The following SLC4A10 variants were observed in gnomAD, a reference collection of about 807,000 sequenced individuals.
SLC4A10 encodes solute carrier family 4 member 10.
A neutral mutation model predicts 137.7 loss-of-function variants in SLC4A10; 42 were observed. That is an observed-to-expected ratio of 0.30 (90% confidence interval 0.24 to 0.39). The LOEUF is 0.39. SLC4A10 is among the 10% of genes least tolerant of loss of function. The pLI, the probability that SLC4A10 is intolerant of heterozygous loss-of-function variation, is 1.00. For missense variants in SLC4A10, 925 were observed against 1,355.0 expected (o/e 0.68, Z 4.98); for synonymous variants, 474 against 464.1 (o/e 1.02, Z -0.27).
At chr2:161,906,365 T>C (rs1173111142) in intron 15 of SLC4A10, among the ~76,000 whole-genome samples, 1 of 152,218 alleles carries the variant, frequency 6.6e-6, no homozygotes, top group African/African-American at 2.4e-5. Context: ...AATCACTGAA[T>C]GAAAATTTAA....
intron 1 of SLC4A10, among the ~76,000 whole-genome samples, chr2:161,764,652 T>C (rs1448490222): frequency 6.6e-6 from 1 of 152,124 alleles, no homozygotes; most frequent in African/African-American, 2.4e-5. Flanking sequence ...TTTAACATAT[T>C]CATAAAGAGA....
At chr2:161,980,266 C>T (rs1559681629) in intron 26 of SLC4A10, among the ~76,000 whole-genome samples, 1 of 152,122 alleles carries the variant, frequency 6.6e-6, no homozygotes. Context: ...CCTGCACTCC[C>T]CCACCACCTT....
intron 3 of SLC4A10, among the ~76,000 whole-genome samples, chr2:161,822,905 G>A (rs913409458): frequency 2.0e-5 from 3 of 152,116 alleles, no homozygotes; most frequent in African/African-American, 7.2e-5. Context: ...AACCCAAGAG[G>A]TGGAGGCTGC....
intron 2 of SLC4A10, among the ~76,000 whole-genome samples, chr2:161,772,446 G>T (rs1414174226): frequency 1.3e-5 from 2 of 151,486 alleles, no homozygotes; most frequent in East Asian, 3.9e-4. Context: ...CCTTTTTATT[G>T]GAAAATACTT....
intron 4 of SLC4A10, among the ~76,000 whole-genome samples, chr2:161,852,947 G>A (rs2059911713): frequency 6.6e-6 from 1 of 152,046 alleles, no homozygotes; most frequent in Non-Finnish European, 1.5e-5. Flanking sequence ...AAATATAAAT[G>A]TCTTTTTATT....
chr2:161,941,806 G>C (rs1692755155), intron 15 of SLC4A10, among the ~76,000 whole-genome samples: 1 of 152,142 alleles, frequency 6.6e-6, no homozygotes, highest in East Asian at 1.9e-4. Flanking sequence ...GTGTTACAGG[G>C]TGTGGCTGAC....
At chr2:161,870,691 C>G (rs1191659995) in intron 6 of SLC4A10, among the ~76,000 whole-genome samples, 1 of 151,788 alleles carries the variant, frequency 6.6e-6, no homozygotes, top group East Asian at 1.9e-4. Context: ...TGAATGGCTG[C>G]TAATGAACAG....
chr2:161,930,299 A>G (rs1162041537), intron 15 of SLC4A10, among the ~76,000 whole-genome samples: 1 of 152,108 alleles, frequency 6.6e-6, no homozygotes, highest in East Asian at 1.9e-4. Context: ...TTTTCTTTAA[A>G]CAGAACAAAA....
intron 23 of SLC4A10, among the ~76,000 whole-genome samples, chr2:161,969,787 A>G (rs769187746): frequency 6.6e-6 from 1 of 152,190 alleles, no homozygotes; most frequent in East Asian, 1.9e-4. Context: ...GCAATCTAAA[A>G]ACAAGTGCAA....
intron 16 of SLC4A10, among the ~76,000 whole-genome samples, chr2:161,943,162 A>G (rs1693053946): frequency 6.6e-6 from 1 of 152,142 alleles, no homozygotes; most frequent in African/African-American, 2.4e-5. Context: ...AGCACATTAA[A>G]TATGAGTGGT....
intron 1 of SLC4A10, among the ~76,000 whole-genome samples, chr2:161,761,250 A>G (rs1313126846): frequency 6.6e-6 from 1 of 152,080 alleles, no homozygotes; most frequent in Non-Finnish European, 1.5e-5. Flanking sequence ...AATCGGCAAC[A>G]GAGAGATAGG....
At chr2:161,672,099 G>T (rs895008457) in intron 1 of SLC4A10, among the ~76,000 whole-genome samples, 4 of 152,152 alleles carry the variant, frequency 2.6e-5, no homozygotes, top group Non-Finnish European at 5.9e-5. Context: ...ATGGTGGGAT[G>T]TACCAAGAAG....
chr2:161,823,096 C>T (rs1378473107), intron 3 of SLC4A10, among the ~76,000 whole-genome samples: 2 of 151,980 alleles, frequency 1.3e-5, no homozygotes, highest in Non-Finnish European at 2.9e-5. Context: ...GTCATGAATG[C>T]ATAACATATA....
At chr2:161,781,385 A>T (rs115443072) in intron 2 of SLC4A10, among the ~76,000 whole-genome samples, 2,933 of 152,134 alleles carry the variant, frequency 0.019, 62 homozygotes, top group African/African-American at 0.055. Flanking sequence ...AATGCTTTTT[A>T]AAAAATATTC....
chr2:161,713,446 T>C (rs947238447), intron 1 of SLC4A10, among the ~76,000 whole-genome samples: 2 of 151,806 alleles, frequency 1.3e-5, no homozygotes, highest in Non-Finnish European at 2.9e-5. Flanking sequence ...TAAAATTTTC[T>C]ATCAAAATTG....
intron 1 of SLC4A10, chr2:161,708,614 G>A: frequency 7.3e-7 from 1 of 1,376,264 alleles, no homozygotes; most frequent in Non-Finnish European, 9.6e-7. Context: ...ATGATAAATA[G>A]TATATGTGAT....
chr2:161,915,111 G>A (rs1345708657), intron 15 of SLC4A10, among the ~76,000 whole-genome samples: 1 of 152,120 alleles, frequency 6.6e-6, no homozygotes, highest in Non-Finnish European at 1.5e-5. Flanking sequence ...TCAGCCAGTA[G>A]AGAGGAGAAG....
intron 16 of SLC4A10, among the ~76,000 whole-genome samples, chr2:161,944,431 A>G (rs1435248103): frequency 6.6e-6 from 1 of 151,756 alleles, no homozygotes; most frequent in Non-Finnish European, 1.5e-5. Flanking sequence ...TATTCCTTCT[A>G]TGTATTAGCA....
chr2:161,708,737 G>T, intron 1 of SLC4A10: 10 of 1,530,098 alleles, frequency 6.5e-6, no homozygotes, highest in Non-Finnish European at 8.7e-6. Flanking sequence ...ATTATCTTTT[G>T]TAAGACAGGA....
Sources: gnomAD v4.1 joint callset for allele counts (sites outside exome capture counted in the v4.1 genomes callset) on GRCh38, gnomAD v4.1.1 for gene constraint, MANE v1.5 for transcripts, NCBI Gene and HGNC (gene_info 2026-07-23, HGNC 2026-07-21) for gene names.